Variants in SLC39A12 observed in about 807,000 individuals in gnomAD.
SLC39A12 encodes solute carrier family 39 member 12.
In SLC39A12, 63 loss-of-function variants were observed where a neutral mutation model predicts 71.1. The observed-to-expected ratio is 0.89, with a 90% CI of 0.72 to 1.09. The LOEUF is 1.09. Ranked by LOEUF, SLC39A12 falls within the 50% of genes least tolerant of loss-of-function variation. The pLI is 0.00. For missense variants in SLC39A12, 892 were observed against 812.6 expected, an observed-to-expected ratio of 1.10 and a Z score of -1.19; for synonymous variants, 351 against 301.3, an observed-to-expected ratio of 1.16 and a Z score of -1.71.
intron 12 of SLC39A12, among the ~76,000 whole-genome samples, chr10:18,022,560 G>C (rs1341635690): frequency 6.6e-6 from 1 of 152,014 alleles, no homozygotes; most frequent in Non-Finnish European, 1.5e-5. Flanking sequence ...AGATTTCTTG[G>C]AATGGGTTTC....
At chr10:17,966,699 G>T (rs368223307) in intron 4 of SLC39A12, among the ~76,000 whole-genome samples, 10 of 152,026 alleles carry the variant, frequency 6.6e-5, no homozygotes, top group African/African-American at 2.4e-4. Flanking sequence ...GCTGGGTGCG[G>T]TGGCTCACAC....
At chr10:17,958,230 A>AAT (rs1391291379) in intron 2 of SLC39A12, among the ~76,000 whole-genome samples, 1 of 152,124 alleles carries the variant, frequency 6.6e-6, no homozygotes, top group African/African-American at 2.4e-5. Context: ...GATGGGTTGA[A>AAT]ATATGGTCAC....
At chr10:17,986,465 G>A (rs1034790106) in intron 6 of SLC39A12, among the ~76,000 whole-genome samples, 27 of 152,128 alleles carry the variant, frequency 1.8e-4, no homozygotes, top group Admixed American at 1.8e-3. Context: ...TGAGGGTCTC[G>A]TTCCTGGTTC....
chr10:17,975,117 C>A (rs563208195), intron 4 of SLC39A12, among the ~76,000 whole-genome samples: 38 of 152,296 alleles, frequency 2.5e-4, no homozygotes, highest in African/African-American at 7.0e-4. Flanking sequence ...CTTGAATCAA[C>A]TTCTGGTGAA....
chr10:18,021,230 C>T (rs1023546705), intron 12 of SLC39A12, among the ~76,000 whole-genome samples: 20 of 151,694 alleles, frequency 1.3e-4, no homozygotes, highest in African/African-American at 4.8e-4. Context: ...ATAGAGAGGC[C>T]TTTTCTGCTT....
chr10:18,035,778 T>A (rs1292925203), intron 12 of SLC39A12, among the ~76,000 whole-genome samples: 5 of 152,220 alleles, frequency 3.3e-5, no homozygotes, highest in Admixed American at 3.3e-4. Flanking sequence ...TCTTTGTGGT[T>A]TTATCTACTT....
At chr10:18,039,490 A>G (rs1040935605) in intron 12 of SLC39A12, among the ~76,000 whole-genome samples, 1 of 152,190 alleles carries the variant, frequency 6.6e-6, no homozygotes, top group Non-Finnish European at 1.5e-5. Context: ...CACTTTGGAA[A>G]GCTGAGGCAG....
intron 5 of SLC39A12, among the ~76,000 whole-genome samples, chr10:17,978,363 C>G (rs138972949): frequency 1.4e-3 from 215 of 152,246 alleles, no homozygotes; most frequent in African/African-American, 4.9e-3. Flanking sequence ...GCATTTTATG[C>G]ACACCGCTAA....
chr10:17,998,343 A>T (rs554981570), intron 10 of SLC39A12, among the ~76,000 whole-genome samples: 1 of 152,228 alleles, frequency 6.6e-6, no homozygotes, highest in African/African-American at 2.4e-5. Context: ...TATGCTATTA[A>T]TATCAAGGCT....
At chr10:18,012,621 C>T (rs1443520568) in intron 12 of SLC39A12, among the ~76,000 whole-genome samples, 6 of 152,158 alleles carry the variant, frequency 3.9e-5, no homozygotes, top group African/African-American at 1.4e-4. Flanking sequence ...GTAATCCCAG[C>T]ACTTTGGGAG....
intron 3 of SLC39A12, among the ~76,000 whole-genome samples, chr10:17,963,929 A>G (rs782262418): frequency 6.6e-6 from 1 of 152,088 alleles, no homozygotes; most frequent in South Asian, 2.1e-4. Context: ...CCTTCCTTCA[A>G]TCTGTTTTGT....
At chr10:18,003,535 T>C (rs1835896969) in intron 12 of SLC39A12, 177 bp downstream of exon 12, 1 of 534,758 alleles carries the variant, frequency 1.9e-6, no homozygotes. Flanking sequence ...AGAAAGAACA[T>C]AATTTGGGTA....
At chr10:17,992,656 A>G (rs1429854628) in intron 8 of SLC39A12, among the ~76,000 whole-genome samples, 1 of 152,252 alleles carries the variant, frequency 6.6e-6, no homozygotes, top group East Asian at 1.9e-4. Flanking sequence ...GTAGTTAGAA[A>G]TCCAGTGTGG....
chr10:18,022,463 T>G (rs558000800), intron 12 of SLC39A12, among the ~76,000 whole-genome samples: 1 of 152,186 alleles, frequency 6.6e-6, no homozygotes, highest in Non-Finnish European at 1.5e-5. Flanking sequence ...ATATAGTGAG[T>G]TTTTCAGTTC....
intron 9 of SLC39A12, among the ~76,000 whole-genome samples, chr10:17,993,574 T>A (rs1411803840): frequency 1.3e-5 from 2 of 152,228 alleles, no homozygotes; most frequent in Non-Finnish European, 2.9e-5. Context: ...TCCTTGTGTT[T>A]ACAAGTTTTC....
intron 12 of SLC39A12, among the ~76,000 whole-genome samples, chr10:18,020,979 T>C (rs1317179623): frequency 1.3e-5 from 2 of 152,154 alleles, no homozygotes; most frequent in Non-Finnish European, 2.9e-5. Context: ...TTTAATGAGG[T>C]CCCACTTGTC....
At chr10:18,024,059 A>AT (rs1354935495) in intron 12 of SLC39A12, among the ~76,000 whole-genome samples, 3 of 152,128 alleles carry the variant, frequency 2.0e-5, no homozygotes, top group Non-Finnish European at 4.4e-5. Flanking sequence ...TACCTCTGGG[A>AT]TCAGCATCCC....
intron 4 of SLC39A12, among the ~76,000 whole-genome samples, chr10:17,973,972 C>A (rs1835041389): frequency 6.6e-6 from 1 of 151,240 alleles, no homozygotes; most frequent in East Asian, 1.9e-4. Context: ...CTAATTTTTT[C>A]TTCCACTTGA....
chr10:17,955,164 A>T (rs1378444946), intron 2 of SLC39A12, among the ~76,000 whole-genome samples: 2 of 152,236 alleles, frequency 1.3e-5, no homozygotes, highest in African/African-American at 4.8e-5. Context: ...CCAGGGGGGA[A>T]GGTAAATATG....
Sources: allele counts gnomAD v4.1 joint callset (sites outside exome capture counted in the v4.1 genomes callset), GRCh38; gene constraint gnomAD v4.1.1; transcripts MANE v1.5; gene names NCBI Gene and HGNC (gene_info 2026-07-23, HGNC 2026-07-21).